CHD9: variants seen among roughly 807,000 people sequenced by gnomAD.
CHD9 encodes the protein ATP-dependent chromatin remodeler CHD9.
A neutral mutation model predicts 316.1 loss-of-function variants in CHD9; 77 were observed. The ratio of observed to expected loss-of-function variants is 0.24; its 90% CI spans 0.20 to 0.29. The LOEUF (loss-of-function observed/expected upper bound fraction) is 0.29, where lower values mean the gene tolerates loss of function less well. CHD9 is among the 10% of genes least tolerant of loss of function. CHD9 has a pLI of 1.00. For missense variants in CHD9, 2,763 were observed against 3,438.1 expected, an observed-to-expected ratio of 0.80 and a Z score of 4.91; for synonymous variants, 1,129 against 1,158.3, an observed-to-expected ratio of 0.97 and a Z score of 0.51.
intron 1 of CHD9, among the ~76,000 whole-genome samples, chr16:53,101,162 G>T (rs948496133): frequency 6.6e-6 from 1 of 151,808 alleles, no homozygotes; most frequent in South Asian, 2.1e-4. Context: ...CAGATTAGGT[G>T]TACATCATCT....
intron 19 of CHD9, among the ~76,000 whole-genome samples, chr16:53,259,180 G>GCTAT (rs1181921791): frequency 6.6e-6 from 1 of 152,076 alleles, no homozygotes. Context: ...AATCATGTAA[G>GCTAT]CTATCTTGTA....
At chr16:53,251,457 G>T (rs1039920695) in intron 17 of CHD9, among the ~76,000 whole-genome samples, 1 of 152,084 alleles carries the variant, frequency 6.6e-6, no homozygotes, top group Admixed American at 6.6e-5. Flanking sequence ...TACAGACTAA[G>T]ATAATATTTG....
intron 5 of CHD9, among the ~76,000 whole-genome samples, chr16:53,226,836 C>T (rs2047695066): frequency 6.6e-6 from 1 of 152,154 alleles, no homozygotes; most frequent in Non-Finnish European, 1.5e-5. Context: ...TAATAGTTTC[C>T]TAAACCTTAC....
chr16:53,255,028 T>G (rs188811525), intron 18 of CHD9, among the ~76,000 whole-genome samples: 7 of 152,238 alleles, frequency 4.6e-5, no homozygotes, highest in Admixed American at 1.3e-4. Context: ...ATCCTAGTAC[T>G]GGGCTGGGCA....
At chr16:53,296,481 C>T (rs1467336395) in intron 29 of CHD9, among the ~76,000 whole-genome samples, 1 of 131,818 alleles carries the variant, frequency 7.6e-6, no homozygotes, top group African/African-American at 3.0e-5. Flanking sequence ...CGCTCTGTCG[C>T]CCAGGCTAGA....
At chr16:53,275,070 C>T (rs2052674102) in intron 24 of CHD9, among the ~76,000 whole-genome samples, 1 of 151,920 alleles carries the variant, frequency 6.6e-6, no homozygotes, top group Non-Finnish European at 1.5e-5. Context: ...CTCACTCTTT[C>T]ACCCAGTCTG....
chr16:53,162,823 C>G (rs190218179), intron 2 of CHD9, among the ~76,000 whole-genome samples: 1 of 148,546 alleles, frequency 6.7e-6, no homozygotes, highest in African/African-American at 2.5e-5. Flanking sequence ...GTCTTTGTCA[C>G]TCAGACTGGA....
At chr16:53,318,420 T>C in intron 37 of CHD9, 80 bp downstream of exon 37, 1 of 1,098,168 alleles carries the variant, frequency 9.1e-7, no homozygotes. Context: ...CATTATGTGG[T>C]GGTGTTTTCT....
intron 20 of CHD9, among the ~76,000 whole-genome samples, chr16:53,265,009 C>T (rs1250340223): frequency 1.3e-5 from 2 of 152,120 alleles, no homozygotes; most frequent in Non-Finnish European, 2.9e-5. Context: ...AATACTTTTG[C>T]AGTAACATTT....
chr16:53,136,925 C>A (rs185894632), intron 1 of CHD9, among the ~76,000 whole-genome samples: 1 of 152,142 alleles, frequency 6.6e-6, no homozygotes, highest in African/African-American at 2.4e-5. Flanking sequence ...TAAATGAAAT[C>A]ATATAATAAG....
chr16:53,235,637 G>A (rs1180546834), intron 11 of CHD9, among the ~76,000 whole-genome samples: 5 of 152,074 alleles, frequency 3.3e-5, no homozygotes, highest in Middle Eastern at 3.2e-3. Context: ...CAATCAGTTC[G>A]AGTTAGTGAG....
Position 53,296,922 on chromosome 16 carries a change from G to C in CHD9, c.5511-34G>C, listed in dbSNP as rs1338107259. On this transcript the variant is annotated intron_variant, in intron 29 of 38. Coordinates refer to ENST00000447540, the MANE Select transcript of CHD9 (RefSeq NM_001308319.2). ...GTATTAATATTAATTTTAGTGACTA[G>C]TGTGGTTTTTTTCTTTAATCTGACT... The C allele has an allele frequency of 5.0e-6, 7 of 1,388,126 alleles. No individual in the cohort carries two copies. The East Asian group carries it at 1.6e-4, about 32-fold the overall frequency. The allele number at this position is 1,388,126 out of a possible 1,614,324, so 86.0% of individuals were successfully genotyped here. A position where few individuals can be genotyped will look rare whatever the true frequency, so the allele number is the denominator to read the frequency against.
chr16:53,186,263 A>G (rs1450149880), intron 2 of CHD9, among the ~76,000 whole-genome samples: 1 of 152,222 alleles, frequency 6.6e-6, no homozygotes, highest in African/African-American at 2.4e-5. Context: ...CCTGGATGTG[A>G]GACATGGAGT....
At chr16:53,316,680 TGTA>T (rs1243849245) in intron 36 of CHD9, among the ~76,000 whole-genome samples, 1 of 152,164 alleles carries the variant, frequency 6.6e-6, no homozygotes, top group Non-Finnish European at 1.5e-5. Flanking sequence ...CACACTCTAT[TGTA>T]GTATTTCTGT....
At chr16:53,230,194 G>A (rs2048045305) in intron 8 of CHD9, among the ~76,000 whole-genome samples, 1 of 152,164 alleles carries the variant, frequency 6.6e-6, no homozygotes, top group African/African-American at 2.4e-5. Flanking sequence ...TATTCTTCCA[G>A]TGAATGATAT....
At chr16:53,261,339 T>G (rs894267714) in intron 19 of CHD9, among the ~76,000 whole-genome samples, 1 of 151,320 alleles carries the variant, frequency 6.6e-6, no homozygotes, top group Non-Finnish European at 1.5e-5. Flanking sequence ...ATTTAGCCTT[T>G]TAATTTTTGG....
At chr16:53,311,383 G>A (rs1338280657) in intron 34 of CHD9, 1 of 152,122 alleles carries the variant, frequency 6.6e-6, no homozygotes, top group Admixed American at 6.6e-5. Flanking sequence ...TTTGTGACAT[G>A]AAGGGTGTGG....
intron 1 of CHD9, among the ~76,000 whole-genome samples, chr16:53,154,424 C>A (rs537720622): frequency 6.6e-6 from 1 of 152,012 alleles, no homozygotes; most frequent in Non-Finnish European, 1.5e-5. Flanking sequence ...TTTGTTGATT[C>A]TTTAGTTTTT....
chr16:53,250,940 C>T (rs989401687), intron 17 of CHD9, among the ~76,000 whole-genome samples: 3 of 151,976 alleles, frequency 2.0e-5, no homozygotes, highest in African/African-American at 4.8e-5. Context: ...TATTTTTAAA[C>T]AAGCATAAAA....
Sources: allele counts gnomAD v4.1 joint callset (sites outside exome capture counted in the v4.1 genomes callset), GRCh38; gene constraint gnomAD v4.1.1; transcripts MANE v1.5; gene names NCBI Gene and HGNC (gene_info 2026-07-23, HGNC 2026-07-21).